Variants in UBALD2 observed in about 807,000 individuals in gnomAD.
UBALD2 encodes the protein UBA like domain containing 2, also known as UBA-like domain-containing protein 2.
A neutral mutation model predicts 15.9 loss-of-function variants in UBALD2; 8 were observed. The observed-to-expected ratio is 0.50, with a 90% confidence interval of 0.29 to 0.91. UBALD2 has a LOEUF of 0.91. Ranked by LOEUF, UBALD2 falls within the 40% of genes least tolerant of loss-of-function variation. The pLI is 0.07. For synonymous variants in UBALD2, 113 were observed against 97.7 expected, an observed-to-expected ratio of 1.16 and a Z score of -0.93; for missense variants, 178 against 234.8, an observed-to-expected ratio of 0.76 and a Z score of 1.58.
chr17:76,265,424 C>T lies in UBALD2; in HGVS notation c.-82C>T. The T allele has an allele frequency of 1.0e-6, 1 of 982,256 alleles. No homozygotes were observed. The highest frequency in any genetic ancestry group is 1.2e-6 in the Non-Finnish European group (1 of 828,814). 60.8% of individuals were successfully genotyped at this position (982,256 alleles called of 1,614,324 possible). A position where few individuals can be genotyped will look rare whatever the true frequency, so the allele number is the denominator to read the frequency against. On this transcript the variant is annotated 5_prime_UTR_variant, in exon 1 of 3. Transcript: ENST00000327490. ...CAGCGGTGAGCGCGAGCCCCGGAGC[C>T]CCGGGCGGCCGGCCTCCCGCGCCCG...
rs76188753 is a variant in UBALD2, at chr17:76,267,494, T to C, written c.183+1525T>C. Reference sequence around the variant, plus strand: ...CTCTCAAAAAGTTCATGGTTTCTTTTTTTTTTTTTTTTTTTTTCTAATTTT... The same window carrying C: ...CTCTCAAAAAGTTCATGGTTTCTTTCTTTTTTTTTTTTTTTTTCTAATTTT... On this transcript the variant is annotated intron_variant, in intron 2 of 2. Coordinates refer to ENST00000327490, the MANE Select transcript of UBALD2 (RefSeq NM_182565.4). 7.7e-5 allele frequency among the ~76,000 whole-genome samples: 11 copies of C among 142,440 alleles called. No individual in the cohort carries two copies. In the East Asian group the frequency reaches 1.2e-3, roughly 16 times the overall value. The allele number at this position is 142,440 out of a possible 152,430, so 93.4% of individuals were successfully genotyped here. A position where few individuals can be genotyped will look rare whatever the true frequency, so the allele number is the denominator to read the frequency against.
rs1227088501 is a variant in UBALD2, at chr17:76,270,312, C to G, written c.302C>G (p.Ala101Gly). ...LQSSNSPMTA[A>G]ACSPPANFSP... ...AGCAGCAACAGCCCCATGACAGCCG[C>G]AGCCTGCTCCCCACCTGCAAACTTC... Residue 101 changes from alanine to glycine, a missense_variant, in exon 3 of 3, where the codon GCA becomes GGA. Transcript: ENST00000327490. 1 of 1,609,446 alleles carries G rather than the reference C, an allele frequency of 6.2e-7. No individual in the cohort carries two copies. The highest frequency in any genetic ancestry group is 8.5e-7 in the Non-Finnish European group (1 of 1,179,432).
At position 76,265,461 on chromosome 17, in the gene UBALD2, G is replaced by A. The variant is rs749693970; in HGVS notation, c.-45G>A. The A allele has an allele frequency of 8.8e-5, 90 of 1,020,008 alleles. 2 individuals carry two copies. In the East Asian group the frequency reaches 8.8e-3, roughly 99 times the overall value. The allele number at this position is 1,020,008 out of a possible 1,614,324, so 63.2% of individuals were successfully genotyped here. On this transcript the variant is annotated 5_prime_UTR_variant, in exon 1 of 3. Transcript: ENST00000327490. ...GCCTCCCGCGCCCGCGCAGCCCCGC[G>A]TCTGCGTCCGGCCGGAGACGCCGGG...
Position 76,270,598 on chromosome 17 carries a change from A to C in UBALD2, c.*93A>C. 1 of 1,101,772 alleles carries C rather than the reference A, an allele frequency of 9.1e-7. No homozygotes were observed. Among genetic ancestry groups the C allele is most frequent in the Non-Finnish European group, 1.2e-6 (1 of 822,510 alleles). 68.2% of individuals were successfully genotyped at this position (1,101,772 alleles called of 1,614,324 possible). On this transcript the variant is annotated 3_prime_UTR_variant, in exon 3 of 3. Transcript: ENST00000327490. ...CAGGGAGGGGGGAGCCGGGGAGGGC[A>C]GGGGGTTTCCCGAAGATCGCACTGG... is the stretch of plus-strand genomic sequence containing the variant.
chr17:76,265,744 T>TA (rs1194295497), intron 1 of UBALD2, 119 bp downstream of exon 1: 33 of 1,321,640 alleles, frequency 2.5e-5, no homozygotes, highest in East Asian at 3.2e-5. Flanking sequence ...GAGCGGGTCT[T>TA]ACGCGGGACC....
Position 76,270,551 on chromosome 17 carries a change from G to A in UBALD2, c.*46G>A. 2 of 1,404,706 alleles carry A rather than the reference G, an allele frequency of 1.4e-6. No individual in the cohort carries two copies. The highest frequency in any genetic ancestry group is 1.8e-6 in the Non-Finnish European group (2 of 1,083,442). 87.0% of individuals were successfully genotyped at this position (1,404,706 alleles called of 1,614,324 possible). ...TGGGCTGGAGCTGGGGGCAGCCCAG[G>A]GTTGTGGGGACACAGGAGGGCCAGG... On this transcript the variant is annotated 3_prime_UTR_variant, in exon 3 of 3. Transcript: ENST00000327490.
At chr17:76,266,263 C>A (rs1166136554) in intron 2 of UBALD2, among the ~76,000 whole-genome samples, 2 of 151,646 alleles carry the variant, frequency 1.3e-5, no homozygotes, top group African/African-American at 4.8e-5. Context: ...AGCTGGGGGA[C>A]CCCAGAGCCA....
rs769535817 is a variant in UBALD2 at position 76,271,074 on chromosome 17, C to A, written c.*569C>A. 11 of 152,452 alleles carry A rather than the reference C, an allele frequency of 7.2e-5. No individual in the cohort carries two copies. Among genetic ancestry groups the A allele is most frequent in the Non-Finnish European group, 1.2e-4 (8 of 68,138 alleles). The allele number at this position is 152,452 out of a possible 1,614,324, so 9.4% of individuals were successfully genotyped here. ...GCCCCATAGCTCATCACCCCTGTCT[C>A]CTGCTGAATGTGCAGGGCTGATGTG... On this transcript the variant is annotated 3_prime_UTR_variant, in exon 3 of 3. Coordinates refer to ENST00000327490, the MANE Select transcript of UBALD2 (RefSeq NM_182565.4).
At chr17:76,268,489 G>T (rs1202883956) in intron 2 of UBALD2, among the ~76,000 whole-genome samples, 3 of 88,122 alleles carry the variant, frequency 3.4e-5, no homozygotes, top group African/African-American at 1.4e-4. Flanking sequence ...CCCAGAGGGT[G>T]GGGGGGGGGC....
At position 76,270,438 on chromosome 17, in the gene UBALD2, G is replaced by A; in HGVS notation, c.428G>A (p.Trp143Ter). Reference protein sequence around the residue: ...FHHLHRPQPTWPPGAQQGGAQ... With the variant: ...FHHLHRPQPT ...CACCTCCACCGCCCACAGCCCACGT[G>A]GCCCCCAGGAGCACAGCAGGGGGGC... The change falls in exon 3 of 3, where the codon TGG becomes TAG. Residue 143 changes from tryptophan to a stop codon, truncating the protein, a stop_gained. Coordinates refer to ENST00000327490, the MANE Select transcript of UBALD2 (RefSeq NM_182565.4). LOFTEE classifies it high-confidence loss of function. The A allele has an allele frequency of 6.6e-7, 1 of 1,521,616 alleles. No homozygotes were observed. Among genetic ancestry groups the A allele is most frequent in the Non-Finnish European group, 8.8e-7 (1 of 1,136,176 alleles). The allele number at this position is 1,521,616 out of a possible 1,614,324, so 94.3% of individuals were successfully genotyped here.
In UBALD2 at chr17:76,270,799, T is replaced by A; in HGVS notation, c.*294T>A. Reference sequence around the variant, plus strand: ...GAGAATGGGCCTGGCACACCTGGGGTGCTCGGGGGTAGGGCTGCCATGCTG... The same window carrying A: ...GAGAATGGGCCTGGCACACCTGGGGAGCTCGGGGGTAGGGCTGCCATGCTG... On this transcript the variant is annotated 3_prime_UTR_variant, in exon 3 of 3. Coordinates refer to ENST00000327490, the MANE Select transcript of UBALD2 (RefSeq NM_182565.4). 4.5e-6 allele frequency: 1 copy of A among 223,864 alleles called. No individual in the cohort carries two copies. Among genetic ancestry groups the A allele is most frequent in the Non-Finnish European group, 8.6e-6 (1 of 116,294 alleles). 13.9% of individuals were successfully genotyped at this position (223,864 alleles called of 1,614,324 possible).
rs367860492 is a variant in UBALD2, at chr17:76,265,983, G to C, written c.183+14G>C. The C allele has an allele frequency of 6.4e-6, 10 of 1,565,148 alleles. No individual in the cohort carries two copies. The African/African-American group carries it at 1.1e-4, about 17-fold the overall frequency. ...CACCACCAGATGGTAAGCGGCGGCG[G>C]GCAGGGGCGCGGGCCGGGGCCGCTG... On this transcript the variant is annotated intron_variant, in intron 2 of 2. Transcript: ENST00000327490.
chr17:76,268,089 G>A (rs2070558231), intron 2 of UBALD2, among the ~76,000 whole-genome samples: 1 of 152,234 alleles, frequency 6.6e-6, no homozygotes. Flanking sequence ...GTACATTACT[G>A]TAGATTCCCA....
chr17:76,265,454 G>T lies in UBALD2; in HGVS notation c.-52G>T. The T allele has an allele frequency of 9.9e-7, 1 of 1,007,400 alleles. No individual in the cohort carries two copies. Among genetic ancestry groups the T allele is most frequent in the Non-Finnish European group, 1.2e-6 (1 of 845,404 alleles). 62.4% of individuals were successfully genotyped at this position (1,007,400 alleles called of 1,614,324 possible). On this transcript the variant is annotated 5_prime_UTR_variant, in exon 1 of 3. Coordinates refer to ENST00000327490, the MANE Select transcript of UBALD2 (RefSeq NM_182565.4). Reference sequence around the variant, plus strand: ...GCGGCCGGCCTCCCGCGCCCGCGCAGCCCCGCGTCTGCGTCCGGCCGGAGA... The same window carrying T: ...GCGGCCGGCCTCCCGCGCCCGCGCATCCCCGCGTCTGCGTCCGGCCGGAGA...
Position 76,270,626 on chromosome 17 carries a change from G to T in UBALD2, c.*121G>T. On this transcript the variant is annotated 3_prime_UTR_variant, in exon 3 of 3. Transcript: ENST00000327490. ...GGGTTTCCCGAAGATCGCACTGGAA[G>T]ATTTTATAAAAGAATTTTTGTGGGT... The T allele has an allele frequency of 1.0e-6, 1 of 993,420 alleles. No homozygotes were observed. Among genetic ancestry groups the T allele is most frequent in the Non-Finnish European group, 1.4e-6 (1 of 728,950 alleles). 61.5% of individuals were successfully genotyped at this position (993,420 alleles called of 1,614,324 possible).
rs1025237823 is a variant in UBALD2 at position 76,269,238 on chromosome 17, G to A, written c.184-956G>A. On this transcript the variant is annotated intron_variant, in intron 2 of 2. Coordinates refer to ENST00000327490, the MANE Select transcript of UBALD2 (RefSeq NM_182565.4). The surrounding 1 kb of genome is among the most constrained non-coding windows in gnomAD (Gnocchi z 4.6). ...GTTGCCTCTTGCCCATGCTGCTGAC[G>A]AGGTGCTCCTGGATGGCACTCCAGC... is the stretch of plus-strand genomic sequence containing the variant. Among the ~76,000 whole-genome samples the A allele has an allele frequency of 4.6e-5, 7 of 152,194 alleles. No homozygotes were observed. The highest frequency in any genetic ancestry group is 3.9e-4 in the East Asian group (2 of 5,194).
intron 2 of UBALD2, among the ~76,000 whole-genome samples, chr17:76,268,494 G>GC (rs1346151798): frequency 3.3e-5 from 5 of 151,814 alleles, no homozygotes; most frequent in African/African-American, 1.2e-4. Flanking sequence ...AGGGTGGGGG[G>GC]GGGGCAGGGA....
chr17:76,266,435 G>T (rs1359237386), intron 2 of UBALD2, among the ~76,000 whole-genome samples: 4 of 152,030 alleles, frequency 2.6e-5, no homozygotes, highest in Non-Finnish European at 5.9e-5. Flanking sequence ...CACACCCAGC[G>T]CTACAGGGAA....
In UBALD2 at chr17:76,270,643, T is replaced by G. The variant is rs1413377321; in HGVS notation, c.*138T>G. ...CACTGGAAGATTTTATAAAAGAATT[T>G]TTGTGGGTCGGGGGGACAGTAAACT... On this transcript the variant is annotated 3_prime_UTR_variant, in exon 3 of 3. Coordinates refer to ENST00000327490, the MANE Select transcript of UBALD2 (RefSeq NM_182565.4). 1.1e-6 allele frequency: 1 copy of G among 878,228 alleles called. No individual in the cohort carries two copies. Among genetic ancestry groups the G allele is most frequent in the African/African-American group, 1.8e-5 (1 of 56,082 alleles). The allele number at this position is 878,228 out of a possible 1,614,324, so 54.4% of individuals were successfully genotyped here.
Sources: allele counts gnomAD v4.1 joint callset (sites outside exome capture counted in the v4.1 genomes callset), GRCh38; gene constraint gnomAD v4.1.1; non-coding constraint Gnocchi (gnomAD v3.1); transcripts MANE v1.5; gene names NCBI Gene and HGNC (gene_info 2026-07-23, HGNC 2026-07-21).